The following PEAR1 variants were observed in gnomAD, a reference collection of about 807,000 sequenced individuals.
PEAR1 encodes the protein platelet endothelial aggregation receptor 1, also known as multiple EGF-like domains protein 12.
PEAR1 carries 113 observed loss-of-function variants against 131.2 expected under a neutral mutation model. The observed-to-expected ratio is 0.86, with a 90% CI of 0.74 to 1.01. PEAR1 has a LOEUF of 1.01. Among genes scored for constraint, PEAR1 ranks in the 50% least tolerant of loss-of-function variants. The pLI, the probability that PEAR1 is intolerant of heterozygous loss-of-function variation, is 0.00. For synonymous variants in PEAR1, 565 were observed against 523.3 expected (o/e 1.08, Z -1.09); for missense variants, 1,408 against 1,391.1 (o/e 1.01, Z -0.19).
At position 156,909,806 on chromosome 1, in the gene PEAR1, T is replaced by G; in HGVS notation, c.1467T>G (p.Ser489Arg). The stretch of plus-strand genomic sequence containing the variant: ...GCCCACCCGGAACCTGGGGCTTCAG[T>G]TGCAATGCCAGCTGCCAGTGTGCCC... ...VPCPPGTWGF[S>R]CNASCQCAHE... The change falls in exon 12 of 23, where the codon AGT becomes AGG. Residue 489 changes from serine (S) to arginine (R), a missense_variant. Coordinates refer to ENST00000292357, the MANE Select transcript of PEAR1 (RefSeq NM_001080471.3). 1 of 1,613,974 alleles carries G rather than the reference T, an allele frequency of 6.2e-7. No homozygotes were observed. Among genetic ancestry groups the G allele is most frequent in the Non-Finnish European group, 8.5e-7 (1 of 1,179,884 alleles).
chr1:156,895,299 A>C (rs1158884579), intron 1 of PEAR1, among the ~76,000 whole-genome samples: 1 of 152,210 alleles, frequency 6.6e-6, no homozygotes, highest in African/African-American at 2.4e-5. Flanking sequence ...GAGAGATAGA[A>C]GGTCATGGGG....
At chr1:156,910,213 C>A in intron 13 of PEAR1, 21 bp from the exon 14 acceptor site, 1 of 1,610,066 alleles carries the variant, frequency 6.2e-7, no homozygotes, top group Non-Finnish European at 8.5e-7. Flanking sequence ...GCCAGGCACA[C>A]CCGACTGCTG....
At position 156,910,749 on chromosome 1, in the gene PEAR1, T is replaced by C; in HGVS notation, c.1951+6T>C. 3 of 1,613,970 alleles carry C rather than the reference T, an allele frequency of 1.9e-6. No individual in the cohort carries two copies. Among genetic ancestry groups the C allele is most frequent in the Non-Finnish European group, 2.5e-6 (3 of 1,179,968 alleles). ...AGGCCCCGACTGCTCCCAGCGTATGTGGTAGCTTGTGTGTCTGAGCATACG... is the reference window on the plus strand; with the variant it reads ...AGGCCCCGACTGCTCCCAGCGTATGCGGTAGCTTGTGTGTCTGAGCATACG... On this transcript the variant is annotated splice_donor_region_variant and intron_variant, in intron 15 of 22. Coordinates refer to ENST00000292357, the MANE Select transcript of PEAR1 (RefSeq NM_001080471.3).
At chr1:156,913,813 G>T (rs771712530) in intron 21 of PEAR1, 39 bp from the exon 22 acceptor site, 1 of 1,611,272 alleles carries the variant, frequency 6.2e-7, no homozygotes, top group Non-Finnish European at 8.5e-7. Context: ...TGAGGAACCA[G>T]TGCCTCCATG....
chr1:156,901,796 A>C (rs1367300756), intron 1 of PEAR1, among the ~76,000 whole-genome samples: 1 of 148,428 alleles, frequency 6.7e-6, no homozygotes, highest in Admixed American at 6.7e-5. Flanking sequence ...GGAGAGGTGG[A>C]GAGAAGGTTA....
In PEAR1 at chr1:156,912,370, T is replaced by C. The variant is rs764500616; in HGVS notation, c.2075T>C (p.Leu692Ser). 26 of 1,612,628 alleles carry C rather than the reference T, an allele frequency of 1.6e-5. No homozygotes were observed. Among genetic ancestry groups the C allele is most frequent in the Non-Finnish European group, 2.0e-5 (24 of 1,179,488 alleles). ...CPLGWTGHHC[L>S]EGCPLGTFGA... ...CTAGGCTGGACTGGACACCACTGCT[T>C]AGAAGGTACCAACAGAAGGGGAACT... Residue 692 changes from leucine (L) to serine (S), a missense_variant, in exon 16 of 23, where the codon TTA (leucine) becomes TCA (serine). By Grantham distance (145) the Leu-to-Ser change is moderately radical. Transcript: ENST00000292357.
At chr1:156,897,636 C>G (rs191906409) in intron 1 of PEAR1, among the ~76,000 whole-genome samples, 1 of 152,228 alleles carries the variant, frequency 6.6e-6, no homozygotes, top group African/African-American at 2.4e-5. Context: ...TGAGGCCACG[C>G]GGGTCTGTGG....
In PEAR1 at chr1:156,902,994, G is replaced by T. The variant is rs1003852689; in HGVS notation, c.-9-924G>T. 6.6e-6 allele frequency among the ~76,000 whole-genome samples: 1 copy of T among 152,148 alleles called. No individual in the cohort carries two copies. The highest frequency in any genetic ancestry group is 1.5e-5 in the Non-Finnish European group (1 of 68,028). On this transcript the variant is annotated intron_variant, in intron 1 of 22. Coordinates refer to ENST00000292357, the MANE Select transcript of PEAR1 (RefSeq NM_001080471.3). The surrounding 1 kb of genome is among the most constrained non-coding windows in gnomAD (Gnocchi z 4.3). ...TTCAGGTGATGGCACCTAGAGTTGG[G>T]TGTTGTGGTGTGCTGGCTAAGGTGT...
At chr1:156,894,456 G>A (rs763822338) in intron 1 of PEAR1, among the ~76,000 whole-genome samples, 3 of 152,178 alleles carry the variant, frequency 2.0e-5, no homozygotes, top group Non-Finnish European at 4.4e-5. Context: ...TCTGTCCAGC[G>A]GCAGGAATGT....
chr1:156,905,091 G>T (rs76344400), intron 3 of PEAR1: 32 of 1,179,364 alleles, frequency 2.7e-5, no homozygotes, highest in Non-Finnish European at 3.4e-5. Flanking sequence ...TTGGGGGGGG[G>T]GCAAGAAGGG....
chr1:156,904,878 T>A, intron 3 of PEAR1, 26 bp downstream of exon 3: 1 of 1,613,600 alleles, frequency 6.2e-7, no homozygotes, highest in Non-Finnish European at 8.5e-7. Context: ...CCTCCATGGG[T>A]GGATGGGCTA....
intron 1 of PEAR1, among the ~76,000 whole-genome samples, chr1:156,900,183 G>T (rs1407112284): frequency 6.6e-6 from 1 of 152,174 alleles, no homozygotes; most frequent in African/African-American, 2.4e-5. Flanking sequence ...AGGCGGGACT[G>T]GGATCTCAGG....
At chr1:156,896,757 G>A (rs1037795571) in intron 1 of PEAR1, among the ~76,000 whole-genome samples, 4 of 152,202 alleles carry the variant, frequency 2.6e-5, no homozygotes, top group Non-Finnish European at 5.9e-5. Flanking sequence ...GGGCTCAGGC[G>A]GTGTGGGCAT....
At position 156,915,061 on chromosome 1, in the gene PEAR1, A is replaced by C; in HGVS notation, c.*263A>C. 1 of 429,184 alleles carries C rather than the reference A, an allele frequency of 2.3e-6. No homozygotes were observed. The highest frequency in any genetic ancestry group is 4.9e-5 in the South Asian group (1 of 20,482). The allele number at this position is 429,184 out of a possible 1,614,324, so 26.6% of individuals were successfully genotyped here. A position where few individuals can be genotyped will look rare whatever the true frequency, so the allele number is the denominator to read the frequency against. ...CTGTGTACATAAACTGGTGGGTTGG[A>C]AGTTGCTGGGTAACTCTGATTTCAG... is the stretch of plus-strand genomic sequence containing the variant. On this transcript the variant is annotated 3_prime_UTR_variant, in exon 23 of 23. Coordinates refer to ENST00000292357, the MANE Select transcript of PEAR1 (RefSeq NM_001080471.3).
chr1:156,908,056 G>A lies in PEAR1; in HGVS notation c.902+5G>A. 6.4e-7 allele frequency: 1 copy of A among 1,573,466 alleles called. No individual in the cohort carries two copies. The highest frequency in any genetic ancestry group is 8.6e-7 in the Non-Finnish European group (1 of 1,158,684). ...TCCGGGTTACACTGGGGATCGGTGA[G>A]TGGCGTGGGGCGGGCGGGAGACGGG... On this transcript the variant is annotated splice_donor_5th_base_variant and intron_variant, in intron 8 of 22. Transcript: ENST00000292357. This position sits in a 1 kb window ranked among gnomAD's most constrained non-coding sequence, Gnocchi z 4.2.
At position 156,908,440 on chromosome 1, in the gene PEAR1, G is replaced by T. The variant is rs915342162; in HGVS notation, c.1115+100G>T. ...CCAGGGCCATATCCAAGGGGGACAG[G>T]TGTCACAGAAGGGGAAAGGGAGGGA... On this transcript the variant is annotated intron_variant, in intron 9 of 22. Transcript: ENST00000292357. The surrounding 1 kb of genome is among the most constrained non-coding windows in gnomAD (Gnocchi z 4.2). 7.3e-7 allele frequency: 1 copy of T among 1,368,478 alleles called. No homozygotes were observed. Among genetic ancestry groups the T allele is most frequent in the East Asian group, 2.5e-5 (1 of 39,552 alleles). 84.8% of individuals were successfully genotyped at this position (1,368,478 alleles called of 1,614,324 possible).
Position 156,908,917 on chromosome 1 carries a change from G to C in PEAR1, c.1292G>C (p.Gly431Ala). Residue 431 changes from glycine (G) to alanine (A), a missense_variant and splice_region_variant, in exon 11 of 23, where the codon GGC (glycine) becomes GCC (alanine). Gly to Ala is a moderately conservative substitution (Grantham distance 60, BLOSUM62 0). Coordinates refer to ENST00000292357, the MANE Select transcript of PEAR1 (RefSeq NM_001080471.3). This position sits in a 1 kb window ranked among gnomAD's most constrained non-coding sequence, Gnocchi z 4.2. The part of the protein sequence containing the change: ...GLCQCAPGYT[G>A]PHCASLCPPD... The stretch of plus-strand genomic sequence containing the variant: ...TCTCACCCGCTCACCCTCTTTCAGG[G>C]CCCTCACTGTGCTAGTCTTTGTCCT... 6.2e-7 allele frequency: 1 copy of C among 1,613,142 alleles called. No individual in the cohort carries two copies. The highest frequency in any genetic ancestry group is 1.3e-5 in the African/African-American group (1 of 75,066).
chr1:156,913,997 T>C lies in PEAR1; in HGVS notation c.2859T>C (p.Ser953=). Residue 953 remains serine (S), a synonymous_variant, in exon 22 of 23, where the codon TCT becomes TCC. Transcript: ENST00000292357. ...AGATGAAAGGCCCTCCCTCAGGATC[T>C]CCCCCCAGGCAGCCTCCTCAGTTCT... The part of the protein sequence containing the change: ...YMEMKGPPSG[S]PPRQPPQFWD... 6.2e-7 allele frequency: 1 copy of C among 1,612,688 alleles called. No homozygotes were observed. The highest frequency in any genetic ancestry group is 8.5e-7 in the Non-Finnish European group (1 of 1,179,516).
At chr1:156,911,184 C>CTTCT (rs556818951) in intron 15 of PEAR1, among the ~76,000 whole-genome samples, 15,902 of 104,378 alleles carry the variant, frequency 0.15, 2,609 homozygotes, top group East Asian at 0.58. Flanking sequence ...TCTTTTCTTT[C>CTTCT]TTCTTTCTTT....
Sources: gnomAD v4.1 joint callset for allele counts (sites outside exome capture counted in the v4.1 genomes callset) on GRCh38, gnomAD v4.1.1 for gene constraint, Gnocchi (gnomAD v3.1) non-coding constraint, MANE v1.5 for transcripts, NCBI Gene and HGNC (gene_info 2026-07-23, HGNC 2026-07-21) for gene names.